XKR6: variants seen among roughly 807,000 people sequenced by gnomAD.
XKR6 encodes the protein XK related 6, also known as XK-related protein 6.
Under a neutral mutation model 56.7 loss-of-function variants are expected in XKR6, and 22 were observed. That is an observed-to-expected ratio of 0.39 (90% CI 0.28 to 0.55). The LOEUF (loss-of-function observed/expected upper bound fraction) is 0.55, where lower values mean the gene tolerates loss of function less well. Among genes scored for constraint, XKR6 ranks in the 20% least tolerant of loss-of-function variants. XKR6 has a pLI of 0.66. For synonymous variants in XKR6, 524 were observed against 387.8 expected (o/e 1.35, Z -4.13); for missense variants, 852 against 889.0 (o/e 0.96, Z 0.53).
At chr8:11,166,140 A>G (rs1039570777) in intron 1 of XKR6, among the ~76,000 whole-genome samples, 15 of 152,062 alleles carry the variant, frequency 9.9e-5, no homozygotes, top group Non-Finnish European at 1.6e-4. Flanking sequence ...TATTTTTTGC[A>G]GAGACGGGGT....
At chr8:11,139,395 G>A (rs964820787) in intron 1 of XKR6, among the ~76,000 whole-genome samples, 1 of 152,174 alleles carries the variant, frequency 6.6e-6, no homozygotes, top group Non-Finnish European at 1.5e-5. Context: ...CCAGCCACTA[G>A]AGGAGGCATG....
At chr8:10,966,107 G>A (rs1802214707) in intron 1 of XKR6, among the ~76,000 whole-genome samples, 1 of 152,190 alleles carries the variant, frequency 6.6e-6, no homozygotes, top group Non-Finnish European at 1.5e-5. Flanking sequence ...CAGCAACCGT[G>A]CCAGGTGCAC....
At chr8:10,938,354 C>A (rs1019670432) in intron 1 of XKR6, among the ~76,000 whole-genome samples, 3 of 152,218 alleles carry the variant, frequency 2.0e-5, no homozygotes, top group African/African-American at 7.2e-5. Flanking sequence ...CAGAAATCCC[C>A]CGTCTTCTGC....
intron 1 of XKR6, among the ~76,000 whole-genome samples, chr8:10,997,782 T>A (rs1798147766): frequency 6.6e-6 from 1 of 152,132 alleles, no homozygotes; most frequent in Non-Finnish European, 1.5e-5. Flanking sequence ...TAAACAAAGC[T>A]GTCTCCCATC....
At chr8:11,152,303 C>T (rs1331287462) in intron 1 of XKR6, among the ~76,000 whole-genome samples, 2 of 152,174 alleles carry the variant, frequency 1.3e-5, no homozygotes, top group Admixed American at 6.5e-5. Context: ...CTGAAACATT[C>T]AGAAGACCCT....
At chr8:11,116,634 G>A (rs1214416777) in intron 1 of XKR6, among the ~76,000 whole-genome samples, 1 of 152,100 alleles carries the variant, frequency 6.6e-6, no homozygotes, top group Non-Finnish European at 1.5e-5. Flanking sequence ...GCCTCCCAAA[G>A]TGCTGGGATT....
intron 1 of XKR6, among the ~76,000 whole-genome samples, chr8:11,003,485 A>G (rs1798293634): frequency 6.6e-6 from 1 of 152,174 alleles, no homozygotes. Context: ...CACCATCACC[A>G]TCTTCACCAG....
intron 1 of XKR6, chr8:11,108,268 G>C (rs1798755390): frequency 4.4e-6 from 2 of 455,926 alleles, no homozygotes; most frequent in Non-Finnish European, 8.8e-6. Flanking sequence ...GGAATTATCT[G>C]TGAATCTTGA....
At chr8:10,911,321 G>GTA (rs372396079) in intron 2 of XKR6, among the ~76,000 whole-genome samples, 1,577 of 128,176 alleles carry the variant, frequency 0.012, 12 homozygotes, top group South Asian at 0.028. Flanking sequence ...GAGAGGGTGA[G>GTA]TATATATATA....
At chr8:11,169,238 A>G (rs1563190466) in intron 1 of XKR6, among the ~76,000 whole-genome samples, 1 of 151,792 alleles carries the variant, frequency 6.6e-6, no homozygotes. Flanking sequence ...AAACTTTTAA[A>G]CTTTTGCTCC....
chr8:11,148,447 G>C (rs574259714), intron 1 of XKR6, among the ~76,000 whole-genome samples: 2 of 152,182 alleles, frequency 1.3e-5, no homozygotes, highest in Admixed American at 6.5e-5. Flanking sequence ...CTTGGACTTC[G>C]AGACTCCAGA....
At chr8:11,111,416 G>T (rs17724226) in intron 1 of XKR6, among the ~76,000 whole-genome samples, 10 of 151,888 alleles carry the variant, frequency 6.6e-5, no homozygotes, top group Non-Finnish European at 1.3e-4. Context: ...TATAATTTGG[G>T]TGGACTTTGC....
At chr8:11,037,010 G>A (rs898465525) in intron 1 of XKR6, among the ~76,000 whole-genome samples, 9 of 152,144 alleles carry the variant, frequency 5.9e-5, no homozygotes, top group African/African-American at 1.9e-4. Flanking sequence ...TGAAAACGTC[G>A]GTGCCCTCTG....
chr8:10,896,434 C>T lies in XKR6; in HGVS notation c.*1518G>A, dbSNP rs1334537735. The T allele has an allele frequency of 6.6e-6, 1 of 152,578 alleles. No individual in the cohort carries two copies. The highest frequency in any genetic ancestry group is 1.5e-5 in the Non-Finnish European group (1 of 68,036). The allele number at this position is 152,578 out of a possible 1,614,324, so 9.5% of individuals were successfully genotyped here. ...ATCACTTCCCCACCACTCCAGAGCCCCCGCCCCCATGCTCTGCTGAACCAA... is the reference window on the plus strand; with the variant it reads ...ATCACTTCCCCACCACTCCAGAGCCTCCGCCCCCATGCTCTGCTGAACCAA... On this transcript the variant is annotated 3_prime_UTR_variant, in exon 3 of 3. Coordinates refer to ENST00000416569, the MANE Select transcript of XKR6 (RefSeq NM_173683.4).
chr8:11,190,238 GAA>G (rs929375599), intron 1 of XKR6, among the ~76,000 whole-genome samples: 5 of 143,910 alleles, frequency 3.5e-5, no homozygotes, highest in Admixed American at 7.0e-5. Flanking sequence ...AAAGAAAAAA[GAA>G]AAAAGAAAAG....
At chr8:11,004,124 T>C (rs1798310320) in intron 1 of XKR6, among the ~76,000 whole-genome samples, 1 of 152,154 alleles carries the variant, frequency 6.6e-6, no homozygotes, top group Non-Finnish European at 1.5e-5. Flanking sequence ...CTGGGAGTTA[T>C]GAGGAGCCCT....
intron 1 of XKR6, among the ~76,000 whole-genome samples, chr8:11,169,433 A>C (rs901616426): frequency 6.6e-6 from 1 of 152,088 alleles, no homozygotes; most frequent in Non-Finnish European, 1.5e-5. Context: ...TATCTACAGG[A>C]TGGAATATTA....
chr8:10,901,465 G>A (rs765797186), intron 2 of XKR6, among the ~76,000 whole-genome samples: 5 of 152,100 alleles, frequency 3.3e-5, no homozygotes, highest in South Asian at 2.1e-4. Flanking sequence ...GAGTCACCAC[G>A]CCTTGCTGAA....
intron 1 of XKR6, among the ~76,000 whole-genome samples, chr8:11,112,571 T>C (rs1798955229): frequency 6.6e-6 from 1 of 152,234 alleles, no homozygotes; most frequent in African/African-American, 2.4e-5. Context: ...GACCAGCTTA[T>C]TTAATTATTC....
Sources: allele counts gnomAD v4.1 joint callset (sites outside exome capture counted in the v4.1 genomes callset), GRCh38; gene constraint gnomAD v4.1.1; transcripts MANE v1.5; gene names NCBI Gene and HGNC (gene_info 2026-07-23, HGNC 2026-07-21).